Variants in ENPP7 observed in about 807,000 individuals in gnomAD.
The protein encoded by ENPP7 is ectonucleotide pyrophosphatase/phosphodiesterase 7.
A neutral mutation model predicts 33.6 loss-of-function variants in ENPP7; 39 were observed. The ratio of observed to expected loss-of-function variants is 1.16; its 90% CI spans 0.90 to 1.52. ENPP7 has a LOEUF of 1.52. Among genes scored for constraint, ENPP7 ranks in the 40% most tolerant of loss-of-function variants. ENPP7 has a pLI of 0.00. For synonymous variants in ENPP7, 244 were observed against 274.3 expected (o/e 0.89, Z 1.09); for missense variants, 594 against 641.0 (o/e 0.93, Z 0.79).
chr17:79,733,177 C>T (rs1190269801), intron 1 of ENPP7, among the ~76,000 whole-genome samples: 1 of 152,208 alleles, frequency 6.6e-6, no homozygotes, highest in Non-Finnish European at 1.5e-5. Flanking sequence ...CAATCTTTTG[C>T]TAAAGCAAAC....
In ENPP7 at chr17:79,732,139, T is replaced by TATATATACATATATACAC. The variant is rs1598197592; in HGVS notation, c.253+754_253+755insCATATATACACATATATA. On this transcript the variant is annotated intron_variant, in intron 1 of 5. Transcript: ENST00000328313. ...ATATATACATATATATATGTATATA[T>TATATATACATATATACAC]ATATATATATACACACACATATATA... Among the ~76,000 whole-genome samples the TATATATACATATATACAC allele has an allele frequency of 5.6e-5, 3 of 53,598 alleles. 1 individual carries two copies. Among genetic ancestry groups the TATATATACATATATACAC allele is most frequent in the African/African-American group, 3.1e-4 (3 of 9,736 alleles). The allele number at this position is 53,598 out of a possible 152,430, so 35.2% of individuals were successfully genotyped here. A position where few individuals can be genotyped will look rare whatever the true frequency, so the allele number is the denominator to read the frequency against.
intron 2 of ENPP7, 134 bp downstream of exon 2, chr17:79,733,787 G>A (rs2094290447): frequency 2.1e-6 from 2 of 959,828 alleles, no homozygotes; most frequent in Non-Finnish European, 3.0e-6. Flanking sequence ...GCCTACCCTG[G>A]CACAGAAGGG....
chr17:79,735,093 A>C lies in ENPP7; in HGVS notation c.450A>C (p.Gln150His). 6.2e-7 allele frequency: 1 copy of C among 1,613,054 alleles called. No individual in the cohort carries two copies. Among genetic ancestry groups the C allele is most frequent in the Non-Finnish European group, 8.5e-7 (1 of 1,180,030 alleles). The change falls in exon 3 of 6, where the codon CAA (glutamine) becomes CAC (histidine). Residue 150 changes from glutamine to histidine, a missense_variant. Around this residue, in one of 3 missense-constraint regions of ENPP7, gnomAD observed 504 missense variants for 512.8 expected, o/e 0.98. Coordinates refer to ENST00000328313, the MANE Select transcript of ENPP7 (RefSeq NM_178543.5). The surrounding 1 kb of genome is among the most constrained non-coding windows in gnomAD (Gnocchi z 5.5). ...FFYPGGNVTY[Q>H]GVAVTRSRKE... Reference sequence around the variant, plus strand: ...ACCCGGGCGGGAACGTCACCTACCAAGGGGTGGCTGTGACGCGGAGCCGGA... The same window carrying C: ...ACCCGGGCGGGAACGTCACCTACCACGGGGTGGCTGTGACGCGGAGCCGGA...
rs201933801 is a variant in ENPP7 at position 79,735,246 on chromosome 17, G to A, written c.603G>A (p.Thr201=). ...VTLYFGEPDS[T]GHRYGPESPE... is the part of the protein sequence containing the mutation. ...TCTACTTCGGGGAGCCGGACTCCAC[G>A]GGCCACAGGTACGGCCCCGAGTCCC... Residue 201 remains threonine (T), a synonymous_variant, in exon 3 of 6, where the codon ACG becomes ACA. Coordinates refer to ENST00000328313, the MANE Select transcript of ENPP7 (RefSeq NM_178543.5). This position sits in a 1 kb window ranked among gnomAD's most constrained non-coding sequence, Gnocchi z 5.5. 6.3e-5 allele frequency: 102 copies of A among 1,613,438 alleles called. No individual in the cohort carries two copies. Among genetic ancestry groups the A allele is most frequent in the African/African-American group, 5.5e-4 (41 of 75,030 alleles).
chr17:79,741,929 C>T lies in ENPP7; in HGVS notation c.*152C>T, dbSNP rs1598206264. 1 of 985,504 alleles carries T rather than the reference C, an allele frequency of 1.0e-6. No individual in the cohort carries two copies. Among genetic ancestry groups the T allele is most frequent in the Non-Finnish European group, 1.2e-6 (1 of 830,090 alleles). The allele number at this position is 985,504 out of a possible 1,614,324, so 61.0% of individuals were successfully genotyped here. A position where few individuals can be genotyped will look rare whatever the true frequency, so the allele number is the denominator to read the frequency against. On this transcript the variant is annotated 3_prime_UTR_variant, in exon 6 of 6. Coordinates refer to ENST00000328313, the MANE Select transcript of ENPP7 (RefSeq NM_178543.5). Reference sequence around the variant, plus strand: ...GCCACTGTCCCCGGCAGCGCCAACCCCTGCTTGGCTGTTATGGTGCTGGTA... The same window carrying T: ...GCCACTGTCCCCGGCAGCGCCAACCTCTGCTTGGCTGTTATGGTGCTGGTA...
Position 79,732,094 on chromosome 17 carries a change from T to C in ENPP7, c.253+702T>C, listed in dbSNP as rs543291866. On this transcript the variant is annotated intron_variant, in intron 1 of 5. Coordinates refer to ENST00000328313, the MANE Select transcript of ENPP7 (RefSeq NM_178543.5). ...GCCTGGGTGACAAAGCAAGACTGCA[T>C]ATAATATATATATACATATATATAT... Among the ~76,000 whole-genome samples, 9 of 81,220 alleles carry C rather than the reference T, an allele frequency of 1.1e-4. No individual in the cohort carries two copies. In the Middle Eastern group the frequency reaches 0.02, roughly 180 times the overall value. The allele number at this position is 81,220 out of a possible 152,430, so 53.3% of individuals were successfully genotyped here.
At position 79,742,038 on chromosome 17, in the gene ENPP7, C is replaced by T; in HGVS notation, c.*261C>T. 1 of 654,806 alleles carries T rather than the reference C, an allele frequency of 1.5e-6. No individual in the cohort carries two copies. The highest frequency in any genetic ancestry group is 1.9e-6 in the Non-Finnish European group (1 of 526,270). 40.6% of individuals were successfully genotyped at this position (654,806 alleles called of 1,614,324 possible). ...TGCCCCTGCCCCTGCTCCTGCTCCT[C>T]CCCTTCGGGCCCCCTCCTCCTGCAA... On this transcript the variant is annotated 3_prime_UTR_variant, in exon 6 of 6. Transcript: ENST00000328313.
At chr17:79,736,975 TA>T in intron 3 of ENPP7, 65 bp from the exon 4 acceptor site, 3 of 1,384,884 alleles carry the variant, frequency 2.2e-6, no homozygotes, top group African/African-American at 2.8e-5. Context: ...ATAGGGTGGA[TA>T]GGGTAGGCGG....
In ENPP7 at chr17:79,739,396, C is replaced by T. The variant is rs2094301661; in HGVS notation, c.*16+1334C>T. The T allele has an allele frequency of 6.6e-6, 1 of 152,404 alleles. No homozygotes were observed. Among genetic ancestry groups the T allele is most frequent in the African/African-American group, 2.4e-5 (1 of 41,460 alleles). 9.4% of individuals were successfully genotyped at this position (152,404 alleles called of 1,614,324 possible). A position where few individuals can be genotyped will look rare whatever the true frequency, so the allele number is the denominator to read the frequency against. ...GCTGGGCCGGGGACAGAAACGGGAGCAGGAAGTGGCCAGTTTGGAGGTGGC... is the reference window on the plus strand; with the variant it reads ...GCTGGGCCGGGGACAGAAACGGGAGTAGGAAGTGGCCAGTTTGGAGGTGGC... On this transcript the variant is annotated intron_variant, in intron 5 of 5. Transcript: ENST00000328313. The surrounding 1 kb of genome is among the most constrained non-coding windows in gnomAD (Gnocchi z 4.4).
intron 1 of ENPP7, among the ~76,000 whole-genome samples, chr17:79,732,831 G>A (rs1231386062): frequency 6.6e-6 from 1 of 152,180 alleles, no homozygotes; most frequent in Non-Finnish European, 1.5e-5. Flanking sequence ...TGAATGTGGT[G>A]GGACACCATC....
chr17:79,739,509 G>A lies in ENPP7; in HGVS notation c.*16+1447G>A, dbSNP rs1363350594. 4 of 152,406 alleles carry A rather than the reference G, an allele frequency of 2.6e-5. No individual in the cohort carries two copies. Among genetic ancestry groups the A allele is most frequent in the Non-Finnish European group, 4.4e-5 (3 of 68,086 alleles). 9.4% of individuals were successfully genotyped at this position (152,406 alleles called of 1,614,324 possible). A position where few individuals can be genotyped will look rare whatever the true frequency, so the allele number is the denominator to read the frequency against. On this transcript the variant is annotated intron_variant, in intron 5 of 5. Transcript: ENST00000328313. The surrounding 1 kb of genome is among the most constrained non-coding windows in gnomAD (Gnocchi z 4.4). ...AATACCTTTAAGAGGCACGACATTC[G>A]AGGTTTGTGGACAGATTATGTGGGA...
chr17:79,737,127 T>TA lies in ENPP7; in HGVS notation c.1114dup (p.Ser372LysfsTer12). 1 of 1,613,554 alleles carries TA rather than the reference T, an allele frequency of 6.2e-7. No homozygotes were observed. The highest frequency in any genetic ancestry group is 2.2e-5 in the East Asian group (1 of 44,866). On this transcript the variant is annotated frameshift_variant, in exon 4 of 6. Transcript: ENST00000328313. LOFTEE classifies it high-confidence loss of function. This position sits in a 1 kb window ranked among gnomAD's most constrained non-coding sequence, Gnocchi z 5.5. ...AGACCATCTTCCGCGCTGTGGGCCC[T>TA]AGCTTCAGGGCGGGCCTGGAGGTGG...
chr17:79,734,486 T>A (rs2094291639), intron 2 of ENPP7, among the ~76,000 whole-genome samples: 1 of 151,126 alleles, frequency 6.6e-6, no homozygotes, highest in African/African-American at 2.4e-5. Flanking sequence ...AACATTTTTT[T>A]TTTTTTTTTG....
Position 79,735,056 on chromosome 17 carries a change from G to A in ENPP7, c.413G>A (p.Gly138Asp). The A allele has an allele frequency of 6.2e-7, 1 of 1,612,848 alleles. No individual in the cohort carries two copies. Among genetic ancestry groups the A allele is most frequent in the Non-Finnish European group, 8.5e-7 (1 of 1,179,910 alleles). The change falls in exon 3 of 6, where the codon GGC (glycine) becomes GAC (aspartate). Residue 138 changes from glycine to aspartate, a missense_variant. Transcript: ENST00000328313. This position sits in a 1 kb window ranked among gnomAD's most constrained non-coding sequence, Gnocchi z 5.5. Reference sequence around the variant, plus strand: ...CTTGTCTGGCAGGGCCTGAGGGCTGGCTCCTTCTTCTACCCGGGCGGGAAC... The same window carrying A: ...CTTGTCTGGCAGGGCCTGAGGGCTGACTCCTTCTTCTACCCGGGCGGGAAC... ...ITAQRQGLRA[G>D]SFFYPGGNVT...
At chr17:79,734,426 G>A (rs2145791445) in intron 2 of ENPP7, among the ~76,000 whole-genome samples, 1 of 152,208 alleles carries the variant, frequency 6.6e-6, no homozygotes, top group South Asian at 2.1e-4. Flanking sequence ...CTGGGGGAGT[G>A]GACGGGCAGG....
rs1421771625 is a variant in ENPP7, at chr17:79,737,767, C to T, written c.1247-149C>T. On this transcript the variant is annotated intron_variant, in intron 4 of 5. Coordinates refer to ENST00000328313, the MANE Select transcript of ENPP7 (RefSeq NM_178543.5). The surrounding 1 kb of genome is among the most constrained non-coding windows in gnomAD (Gnocchi z 5.5). Reference sequence around the variant, plus strand: ...TCTACTGAGCAGGGCTATGAAGGGCCGTGGTGGACAAAGGCCATGGGACCA... The same window carrying T: ...TCTACTGAGCAGGGCTATGAAGGGCTGTGGTGGACAAAGGCCATGGGACCA... The T allele has an allele frequency of 8.1e-6, 7 of 865,812 alleles. No individual in the cohort carries two copies. Among genetic ancestry groups the T allele is most frequent in the South Asian group, 1.5e-5 (1 of 64,800 alleles). 53.6% of individuals were successfully genotyped at this position (865,812 alleles called of 1,614,324 possible).
rs2094290064 is a variant in ENPP7 at position 79,733,571 on chromosome 17, A to G, written c.317A>G (p.Lys106Arg). 1 of 1,613,444 alleles carries G rather than the reference A, an allele frequency of 6.2e-7. No individual in the cohort carries two copies. The highest frequency in any genetic ancestry group is 1.7e-5 in the Admixed American group (1 of 60,004). ...NMYYNTTSKV[K>R]LPYHATLGIQ... ...TACTACAACACCACCAGCAAGGTGA[A>G]GCTGCCCTACCACGCCACGCTGGGC... The change falls in exon 2 of 6, where the codon AAG (lysine) becomes AGG (arginine). Residue 106 changes from lysine (K) to arginine (R), a missense_variant. Around this residue, in one of 3 missense-constraint regions of ENPP7, gnomAD observed 504 missense variants for 512.8 expected, o/e 0.98. Coordinates refer to ENST00000328313, the MANE Select transcript of ENPP7 (RefSeq NM_178543.5).
Position 79,741,931 on chromosome 17 carries a change from T to C in ENPP7, c.*154T>C. 1.0e-6 allele frequency: 1 copy of C among 985,586 alleles called. No homozygotes were observed. Among genetic ancestry groups the C allele is most frequent in the Non-Finnish European group, 1.2e-6 (1 of 830,074 alleles). The allele number at this position is 985,586 out of a possible 1,614,324, so 61.1% of individuals were successfully genotyped here. A position where few individuals can be genotyped will look rare whatever the true frequency, so the allele number is the denominator to read the frequency against. ...CACTGTCCCCGGCAGCGCCAACCCC[T>C]GCTTGGCTGTTATGGTGCTGGTAAT... is the stretch of plus-strand genomic sequence containing the variant. On this transcript the variant is annotated 3_prime_UTR_variant, in exon 6 of 6. Transcript: ENST00000328313.
Position 79,733,564 on chromosome 17 carries a change from A to C in ENPP7, c.310A>C (p.Lys104Gln). 6.2e-7 allele frequency: 1 copy of C among 1,613,554 alleles called. No individual in the cohort carries two copies. The highest frequency in any genetic ancestry group is 1.1e-5 in the South Asian group (1 of 91,086). ...VHNMYYNTTS[K>Q]VKLPYHATLG... The stretch of plus-strand genomic sequence containing the variant: ...CAACATGTACTACAACACCACCAGC[A>C]AGGTGAAGCTGCCCTACCACGCCAC... Residue 104 changes from lysine to glutamine, a missense_variant, in exon 2 of 6, where the codon AAG becomes CAG. By Grantham distance (53) the Lys-to-Gln change is moderately conservative. Transcript: ENST00000328313.
Sources: gnomAD v4.1 joint callset for allele counts (sites outside exome capture counted in the v4.1 genomes callset) on GRCh38, gnomAD v4.1.1 for gene constraint, gnomAD v4.1.1 regional missense constraint, Gnocchi (gnomAD v3.1) non-coding constraint, MANE v1.5 for transcripts, NCBI Gene and HGNC (gene_info 2026-07-23, HGNC 2026-07-21) for gene names.